Variants in NDOR1 observed in about 807,000 individuals in gnomAD.
NDOR1 encodes NADPH-dependent diflavin oxidoreductase 1.
A neutral mutation model predicts 67.2 loss-of-function variants in NDOR1; 61 were observed. The ratio of observed to expected loss-of-function variants is 0.91; its 90% CI spans 0.74 to 1.12. The LOEUF (loss-of-function observed/expected upper bound fraction) is 1.12, where lower values mean the gene tolerates loss of function less well. Among genes scored for constraint, NDOR1 ranks in the 50% most tolerant of loss-of-function variants. The probability of loss-of-function intolerance (pLI) is 0.00; values close to 1 mark genes in which losing one functional copy is unlikely to be tolerated. For missense variants in NDOR1, 878 were observed against 802.8 expected (o/e 1.09, Z -1.13); for synonymous variants, 378 against 343.7 (o/e 1.10, Z -1.10).
At position 137,212,475 on chromosome 9, in the gene NDOR1, C is replaced by G. The variant is rs897955416; in HGVS notation, c.214-27C>G. Reference sequence around the variant, plus strand: ...GGGGCTAGCCTAGAGGTCGAGGACTCTGACTCAGAGTTTCCTCCGGCTGTA... The same window carrying G: ...GGGGCTAGCCTAGAGGTCGAGGACTGTGACTCAGAGTTTCCTCCGGCTGTA... On this transcript the variant is annotated intron_variant, in intron 2 of 13. Coordinates refer to ENST00000684003, the MANE Select transcript of NDOR1 (RefSeq NM_014434.4). This position sits in a 1 kb window ranked among gnomAD's most constrained non-coding sequence, Gnocchi z 4.3. 1 of 1,606,170 alleles carries G rather than the reference C, an allele frequency of 6.2e-7. No homozygotes were observed. Among genetic ancestry groups the G allele is most frequent in the Admixed American group, 1.7e-5 (1 of 60,000 alleles).
At position 137,218,429 on chromosome 9, in the gene NDOR1, T is replaced by C. The variant is rs932618525; in HGVS notation, c.*2013T>C. On this transcript the variant is annotated 3_prime_UTR_variant, in exon 14 of 14. Transcript: ENST00000684003. ...CCGGGGCTGCCTGCCCTTCCTGCCC[T>C]GTCCACCCTGCCTGGGTGCCCGGCT... 24 of 398,240 alleles carry C rather than the reference T, an allele frequency of 6.0e-5. 1 individual carries two copies. In the Admixed American group the frequency reaches 1.0e-3, roughly 17 times the overall value. 24.7% of individuals were successfully genotyped at this position (398,240 alleles called of 1,614,324 possible). A position where few individuals can be genotyped will look rare whatever the true frequency, so the allele number is the denominator to read the frequency against.
rs1021057766 is a variant in NDOR1, at chr9:137,218,223, G to A, written c.*1807G>A. On this transcript the variant is annotated 3_prime_UTR_variant, in exon 14 of 14. Coordinates refer to ENST00000684003, the MANE Select transcript of NDOR1 (RefSeq NM_014434.4). ...GGCCGGGTGCGCTGCCCGCTGTGCCGCCAGAAGACGCCCGTGCTGGAATGG... is the reference window on the plus strand; with the variant it reads ...GGCCGGGTGCGCTGCCCGCTGTGCCACCAGAAGACGCCCGTGCTGGAATGG... The A allele has an allele frequency of 1.5e-5, 6 of 398,360 alleles. No homozygotes were observed. The highest frequency in any genetic ancestry group is 6.3e-4 in the Middle Eastern group (1 of 1,588). The allele number at this position is 398,360 out of a possible 1,614,324, so 24.7% of individuals were successfully genotyped here. A position where few individuals can be genotyped will look rare whatever the true frequency, so the allele number is the denominator to read the frequency against.
chr9:137,213,719 C>G (rs1458309800), intron 3 of NDOR1, 61 bp from the exon 4 acceptor site: 2 of 1,531,332 alleles, frequency 1.3e-6, no homozygotes, highest in East Asian at 4.6e-5. Context: ...GGGTTCCACT[C>G]TGCCTGGGCA....
rs1835731194 is a variant in NDOR1 at position 137,218,347 on chromosome 9, C to A, written c.*1931C>A. 2 of 398,014 alleles carry A rather than the reference C, an allele frequency of 5.0e-6. No individual in the cohort carries two copies. Among genetic ancestry groups the A allele is most frequent in the Non-Finnish European group, 8.9e-6 (2 of 225,802 alleles). The allele number at this position is 398,014 out of a possible 1,614,324, so 24.7% of individuals were successfully genotyped here. A position where few individuals can be genotyped will look rare whatever the true frequency, so the allele number is the denominator to read the frequency against. The stretch of plus-strand genomic sequence containing the variant: ...CATCCTATCACCGCAACCCTGGGCC[C>A]TGGGGCTCCCTGGAGCACCGCTACC... On this transcript the variant is annotated 3_prime_UTR_variant, in exon 14 of 14. Transcript: ENST00000684003.
rs1464719455 is a variant in NDOR1 at position 137,215,214 on chromosome 9, G to C, written c.1173+12G>C. ...CCTCCTCGCTGCTGGTGAGGGGCCT[G>C]GTGGTTGGAGCCCAGGACCGGCCCT... On this transcript the variant is annotated intron_variant, in intron 9 of 13. Transcript: ENST00000684003. The C allele has an allele frequency of 2.5e-6, 4 of 1,607,156 alleles. No homozygotes were observed. The highest frequency in any genetic ancestry group is 2.2e-5 in the East Asian group (1 of 44,754).
intron 2 of NDOR1, among the ~76,000 whole-genome samples, chr9:137,211,198 A>G (rs560143949): frequency 8.5e-5 from 13 of 152,350 alleles, no homozygotes; most frequent in East Asian, 7.7e-4. Context: ...AGAAAATGGA[A>G]GGAAGCAGAT....
chr9:137,210,807 A>G (rs1298569981), intron 2 of NDOR1, among the ~76,000 whole-genome samples: 1 of 152,030 alleles, frequency 6.6e-6, no homozygotes, highest in Non-Finnish European at 1.5e-5. Flanking sequence ...TGATTTCAAG[A>G]CTGCATTCCA....
chr9:137,218,212 C>T lies in NDOR1; in HGVS notation c.*1796C>T. 5 of 398,458 alleles carry T rather than the reference C, an allele frequency of 1.3e-5. No individual in the cohort carries two copies. Among genetic ancestry groups the T allele is most frequent in the Non-Finnish European group, 4.4e-6 (1 of 225,926 alleles). The allele number at this position is 398,458 out of a possible 1,614,324, so 24.7% of individuals were successfully genotyped here. ...GTGCCGACCTGGGCCGGGTGCGCTG[C>T]CCGCTGTGCCGCCAGAAGACGCCCG... On this transcript the variant is annotated 3_prime_UTR_variant, in exon 14 of 14. Coordinates refer to ENST00000684003, the MANE Select transcript of NDOR1 (RefSeq NM_014434.4).
chr9:137,211,488 C>G (rs994098080), intron 2 of NDOR1, among the ~76,000 whole-genome samples: 1 of 152,072 alleles, frequency 6.6e-6, no homozygotes, highest in African/African-American at 2.4e-5. Context: ...GCATGCCAGT[C>G]GAGTGAGGGA....
intron 10 of NDOR1, 41 bp downstream of exon 10, chr9:137,215,562 C>T (rs1564400932): frequency 6.2e-7 from 1 of 1,611,108 alleles, no homozygotes; most frequent in Non-Finnish European, 8.5e-7. Flanking sequence ...GGCCCATATC[C>T]CCTTCTCTCC....
chr9:137,207,217 G>A (rs562662891), intron 2 of NDOR1, among the ~76,000 whole-genome samples: 2 of 151,986 alleles, frequency 1.3e-5, no homozygotes, highest in South Asian at 4.2e-4. Context: ...GGCAGCAGAT[G>A]CTACCGATCT....
intron 10 of NDOR1, 65 bp from the exon 11 acceptor site, chr9:137,215,594 C>G: frequency 6.2e-7 from 1 of 1,604,642 alleles, no homozygotes; most frequent in Middle Eastern, 1.7e-4. Context: ...AAATGCTGGG[C>G]TAGGGCCCCA....
Position 137,214,840 on chromosome 9 carries a change from G to A in NDOR1, c.887G>A (p.Arg296Gln), listed in dbSNP as rs190489168. Residue 296 changes from arginine (R) to glutamine (Q), a missense_variant, in exon 8 of 14, where the codon CGG (arginine) becomes CAG (glutamine). Transcript: ENST00000684003. ...AGGCTGCCCCAGCCCTGCTCCATGC[G>A]GCACCTCGTGTCCCACTACCTGGAC... ...PTRLPQPCSM[R>Q]HLVSHYLDIA... The A allele has an allele frequency of 2.0e-4, 317 of 1,608,582 alleles. 3 individuals carry two copies. The Admixed American group carries it at 3.1e-3, about 16-fold the overall frequency.
rs773940669 is a variant in NDOR1, at chr9:137,214,892, C to G, written c.939C>G (p.Phe313Leu). ...LDIASVPRRS[F>L]FELLACLSLH... ...TCGCCAGCGTGCCTCGCCGCTCCTT[C>G]TTCGAACTCCTGGCCTGTCTATCCC... The change falls in exon 8 of 14, where the codon TTC (phenylalanine) becomes TTG (leucine). Residue 313 changes from phenylalanine to leucine, a missense_variant. By Grantham distance (22) the Phe-to-Leu change is conservative (BLOSUM62 0). Transcript: ENST00000684003. The G allele has an allele frequency of 1.9e-6, 3 of 1,612,398 alleles. No individual in the cohort carries two copies. The South Asian group carries it at 3.3e-5, about 18-fold the overall frequency.
intron 10 of NDOR1, 48 bp downstream of exon 10, chr9:137,215,569 C>T (rs1244044672): frequency 1.2e-6 from 2 of 1,609,468 alleles, no homozygotes; most frequent in East Asian, 2.2e-5. Flanking sequence ...ATCCCCTTCT[C>T]TCCCATGCTC....
chr9:137,213,967 G>A lies in NDOR1; in HGVS notation c.411G>A (p.Gly137=), dbSNP rs1196196433. 2 of 1,561,400 alleles carry A rather than the reference G, an allele frequency of 1.3e-6. No individual in the cohort carries two copies. Among genetic ancestry groups the A allele is most frequent in the Non-Finnish European group, 1.7e-6 (2 of 1,154,188 alleles). ...VCLGDDQHEL[G]PDAAVDPWLR... is the part of the protein sequence containing the mutation. ...GGCCAGCGCACGTGCTCCCTCCCAG[G>A]CCCGACGCTGCTGTGGACCCCTGGC... The change falls in exon 5 of 14, where the codon GGG becomes GGA. Residue 137 remains glycine (G), a splice_region_variant and synonymous_variant. Coordinates refer to ENST00000684003, the MANE Select transcript of NDOR1 (RefSeq NM_014434.4).
Position 137,205,738 on chromosome 9 carries a change from C to G in NDOR1, c.-40C>G. On this transcript the variant is annotated 5_prime_UTR_variant, in exon 1 of 14. Transcript: ENST00000684003. ...CAACCCGGCCGGCGGGAACTGCCTT[C>G]TAGTTTTTAGTCTCAGACCAGACCA... 6.3e-7 allele frequency: 1 copy of G among 1,599,424 alleles called. No homozygotes were observed. The highest frequency in any genetic ancestry group is 8.5e-7 in the Non-Finnish European group (1 of 1,179,362).
chr9:137,208,315 G>A (rs1835077009), intron 2 of NDOR1, among the ~76,000 whole-genome samples: 1 of 151,744 alleles, frequency 6.6e-6, no homozygotes, highest in South Asian at 2.1e-4. Context: ...GCCGGATGTG[G>A]TGGCGGGCAC....
chr9:137,217,311 A>G lies in NDOR1; in HGVS notation c.*895A>G, dbSNP rs1415399441. On this transcript the variant is annotated 3_prime_UTR_variant, in exon 14 of 14. Coordinates refer to ENST00000684003, the MANE Select transcript of NDOR1 (RefSeq NM_014434.4). ...GGCATAGTGGGTCGGCTAAGATCTGATCGCCAGGACTGCGTTCTGGGCAGG... is the reference window on the plus strand; with the variant it reads ...GGCATAGTGGGTCGGCTAAGATCTGGTCGCCAGGACTGCGTTCTGGGCAGG... 6.5e-6 allele frequency: 1 copy of G among 152,854 alleles called. No homozygotes were observed. Among genetic ancestry groups the G allele is most frequent in the Non-Finnish European group, 1.5e-5 (1 of 68,492 alleles). The allele number at this position is 152,854 out of a possible 1,614,324, so 9.5% of individuals were successfully genotyped here.
Sources: gnomAD v4.1 joint callset for allele counts (sites outside exome capture counted in the v4.1 genomes callset) on GRCh38, gnomAD v4.1.1 for gene constraint, Gnocchi (gnomAD v3.1) non-coding constraint, MANE v1.5 for transcripts, NCBI Gene and HGNC (gene_info 2026-07-23, HGNC 2026-07-21) for gene names.